KIF26B: variants seen among roughly 807,000 people sequenced by gnomAD.
KIF26B encodes the protein kinesin-like protein KIF26B.
KIF26B carries 63 observed loss-of-function variants against 151.2 expected under a neutral mutation model. That is an observed-to-expected ratio of 0.42 (90% confidence interval 0.34 to 0.51). The LOEUF is 0.51. Ranked by LOEUF, KIF26B falls within the 20% of genes least tolerant of loss-of-function variation. KIF26B has a pLI of 0.07. For missense variants in KIF26B, 2,813 were observed against 2,913.6 expected (o/e 0.97, Z 0.79); for synonymous variants, 1,357 against 1,262.1 (o/e 1.08, Z -1.59).
chr1:245,175,935 T>C (rs147879114), intron 2 of KIF26B, among the ~76,000 whole-genome samples: 11 of 122,500 alleles, frequency 9.0e-5, no homozygotes, highest in African/African-American at 2.8e-4. Flanking sequence ...TATATTTAGA[T>C]GTCTATATAT....
intron 2 of KIF26B, among the ~76,000 whole-genome samples, chr1:245,229,544 C>T (rs1669948373): frequency 6.6e-6 from 1 of 152,212 alleles, no homozygotes; most frequent in African/African-American, 2.4e-5. Context: ...CCGTCAGCAG[C>T]TGATGTGCCC....
intron 1 of KIF26B, 41 bp from the exon 2 acceptor site, chr1:245,156,241 G>T: frequency 1.3e-6 from 2 of 1,534,138 alleles, no homozygotes; most frequent in East Asian, 2.5e-5. Flanking sequence ...GCTGCAGCCC[G>T]CCGCCTTGCA....
intron 14 of KIF26B, among the ~76,000 whole-genome samples, chr1:245,701,508 C>T (rs2044771702): frequency 6.6e-6 from 1 of 152,128 alleles, no homozygotes; most frequent in Non-Finnish European, 1.5e-5. Flanking sequence ...CAGTGAGTCA[C>T]GTCACTGTCC....
chr1:245,234,985 G>A (rs1010899276), intron 2 of KIF26B, among the ~76,000 whole-genome samples: 6 of 152,128 alleles, frequency 3.9e-5, no homozygotes, highest in African/African-American at 9.7e-5. Flanking sequence ...GGCAGAGTCC[G>A]TGGGAGAGAT....
chr1:245,335,690 G>T (rs1289761352), intron 2 of KIF26B, among the ~76,000 whole-genome samples: 1 of 136,818 alleles, frequency 7.3e-6, no homozygotes, highest in African/African-American at 2.7e-5. Flanking sequence ...GGTCCCACGC[G>T]GGGAAAGAAG....
Position 245,246,904 on chromosome 1 carries a change from C to T in KIF26B, c.465+90221C>T, listed in dbSNP as rs547981825. ...ACACACACACACACAGACACACACA[C>T]ACAGACACAGACACACACAGACACA... On this transcript the variant is annotated intron_variant, in intron 2 of 14. Coordinates refer to ENST00000407071, the MANE Select transcript of KIF26B (RefSeq NM_018012.4). 9.8e-4 allele frequency among the ~76,000 whole-genome samples: 148 copies of T among 150,300 alleles called. No individual in the cohort carries two copies. The South Asian group carries it at 0.017, about 17-fold the overall frequency.
chr1:245,547,969 G>A (rs574885295), intron 5 of KIF26B, among the ~76,000 whole-genome samples: 3 of 152,260 alleles, frequency 2.0e-5, no homozygotes, highest in South Asian at 2.1e-4. Context: ...CACTTTCTCC[G>A]TGGAGATCCT....
At chr1:245,519,929 G>A (rs1661052946) in intron 4 of KIF26B, among the ~76,000 whole-genome samples, 1 of 152,154 alleles carries the variant, frequency 6.6e-6, no homozygotes, top group South Asian at 2.1e-4. Flanking sequence ...TTGAAGAAAT[G>A]CAGAACAAGT....
intron 4 of KIF26B, among the ~76,000 whole-genome samples, chr1:245,527,244 G>A (rs1661255605): frequency 1.3e-5 from 2 of 152,124 alleles, no homozygotes; most frequent in African/African-American, 2.4e-5. Context: ...AATTTTAGTT[G>A]GATAGTCCTT....
chr1:245,289,490 T>C (rs10924159), intron 2 of KIF26B, among the ~76,000 whole-genome samples: 64,844 of 152,028 alleles, frequency 0.43, 14,592 homozygotes, highest in East Asian at 0.59. Context: ...CTTTAATTAA[T>C]TGGTGTAATC....
chr1:245,640,143 C>CTCTCTCTCTATATATATATATATA, intron 9 of KIF26B, among the ~76,000 whole-genome samples: 1 of 31,934 alleles, frequency 3.1e-5, no homozygotes, highest in South Asian at 1.3e-3. Flanking sequence ...CTCTCTCTCT[C>CTCTCTCTCTATATATATATATATA]TATATATATA....
chr1:245,629,266 A>C (rs1016545627), intron 9 of KIF26B, among the ~76,000 whole-genome samples: 1 of 152,308 alleles, frequency 6.6e-6, no homozygotes, highest in East Asian at 1.9e-4. Context: ...ATATGAAACC[A>C]AAAAAGAGCC....
At position 245,156,901 on chromosome 1, in the gene KIF26B, C is replaced by T. The variant is rs536954041; in HGVS notation, c.465+218C>T. On this transcript the variant is annotated intron_variant, in intron 2 of 14. Transcript: ENST00000407071. ...GCCCGGGGGGCAGGAGGACCGAGTC[C>T]CGAGCGCGAAGGGGCGCCCGTGGCC... is the stretch of plus-strand genomic sequence containing the variant. Among the ~76,000 whole-genome samples the T allele has an allele frequency of 2.0e-5, 3 of 152,206 alleles. No homozygotes were observed. In the South Asian group the frequency reaches 6.2e-4, roughly 32 times the overall value.
intron 4 of KIF26B, among the ~76,000 whole-genome samples, chr1:245,514,671 G>T (rs1293740016): frequency 6.6e-6 from 1 of 152,146 alleles, no homozygotes; most frequent in Non-Finnish European, 1.5e-5. Flanking sequence ...GAAGGACTTG[G>T]CTTCTCTCCT....
chr1:245,687,948 C>A lies in KIF26B; in HGVS notation c.4965C>A (p.Phe1655Leu). Residue 1655 changes from phenylalanine to leucine, a missense_variant, in exon 12 of 15, where the codon TTC (phenylalanine) becomes TTA (leucine). This residue lies in a region of KIF26B where 2,060 missense variants were observed against 2,088.6 expected (regional missense o/e 0.99). Coordinates refer to ENST00000407071, the MANE Select transcript of KIF26B (RefSeq NM_018012.4). This position sits in a 1 kb window ranked among gnomAD's most constrained non-coding sequence, Gnocchi z 4.9. Reference protein sequence around the residue: ...TKDASSSSKLFSAKLEQLASR... With the variant: ...TKDASSSSKLLSAKLEQLASR... The stretch of plus-strand genomic sequence containing the variant: ...ACGCCAGCAGCAGCAGCAAGCTCTT[C>A]AGTGCCAAGCTGGAGCAGCTGGCCA... 1 of 1,592,442 alleles carries A rather than the reference C, an allele frequency of 6.3e-7. No homozygotes were observed. The highest frequency in any genetic ancestry group is 2.3e-5 in the East Asian group (1 of 43,574).
chr1:245,532,346 C>A (rs992717181), intron 4 of KIF26B, among the ~76,000 whole-genome samples: 1 of 149,448 alleles, frequency 6.7e-6, no homozygotes, highest in Non-Finnish European at 1.5e-5. Context: ...CCCGGGTTCA[C>A]GCCATTCTCC....
intron 5 of KIF26B, among the ~76,000 whole-genome samples, chr1:245,589,640 C>T (rs1176057151): frequency 6.6e-6 from 1 of 152,292 alleles, no homozygotes; most frequent in East Asian, 1.9e-4. Flanking sequence ...AATTATTAGG[C>T]GAGTGTGGTC....
chr1:245,187,305 A>T (rs1212077283), intron 2 of KIF26B, among the ~76,000 whole-genome samples: 1 of 152,260 alleles, frequency 6.6e-6, no homozygotes, highest in Admixed American at 6.5e-5. Flanking sequence ...GAGCTAAATA[A>T]TGTGTACACA....
chr1:245,524,098 G>A (rs1040319917), intron 4 of KIF26B, among the ~76,000 whole-genome samples: 2 of 152,146 alleles, frequency 1.3e-5, no homozygotes, highest in Non-Finnish European at 2.9e-5. Context: ...AAAAGACACC[G>A]GTTCCTAGAC....
Sources: allele counts gnomAD v4.1 joint callset (sites outside exome capture counted in the v4.1 genomes callset), GRCh38; gene constraint gnomAD v4.1.1; regional missense constraint gnomAD v4.1.1; non-coding constraint Gnocchi (gnomAD v3.1); transcripts MANE v1.5; gene names NCBI Gene and HGNC (gene_info 2026-07-23, HGNC 2026-07-21).